TBC1D22A: variants seen among roughly 807,000 people sequenced by gnomAD.
TBC1D22A encodes the protein putative GTPase activator.
In TBC1D22A, 38 loss-of-function variants were observed where a neutral mutation model predicts 60.2. The ratio of observed to expected loss-of-function variants is 0.63; its 90% CI spans 0.49 to 0.83. The LOEUF is 0.83. Among genes scored for constraint, TBC1D22A ranks in the 40% least tolerant of loss-of-function variants. TBC1D22A has a pLI of 0.00. For synonymous variants in TBC1D22A, 302 were observed against 281.7 expected (o/e 1.07, Z -0.72); for missense variants, 628 against 701.0 (o/e 0.90, Z 1.18).
chr22:46,942,044 A>G (rs1214587853), intron 8 of TBC1D22A, among the ~76,000 whole-genome samples: 2 of 147,824 alleles, frequency 1.4e-5, no homozygotes, highest in Admixed American at 6.8e-5. Flanking sequence ...ATATATACAC[A>G]CAGTCCACCC....
intron 12 of TBC1D22A, among the ~76,000 whole-genome samples, chr22:47,154,180 A>G (rs4823601): frequency 0.53 from 80,222 of 151,970 alleles, 22,325 homozygotes; most frequent in East Asian, 0.77. Context: ...AGGAACAGAC[A>G]TGTCCCCGGA....
chr22:46,906,339 G>A (rs906604589), intron 7 of TBC1D22A, among the ~76,000 whole-genome samples: 10 of 152,330 alleles, frequency 6.6e-5, no homozygotes, highest in African/African-American at 2.4e-4. Flanking sequence ...TAAATGTTGG[G>A]GAGGGGCTGC....
intron 11 of TBC1D22A, among the ~76,000 whole-genome samples, chr22:47,072,875 G>A (rs2064060050): frequency 6.6e-6 from 1 of 152,230 alleles, no homozygotes; most frequent in Non-Finnish European, 1.5e-5. Context: ...TGCTGGGAGG[G>A]CCCGCATGGA....
chr22:46,945,175 A>C (rs1185103833), intron 8 of TBC1D22A, among the ~76,000 whole-genome samples: 1 of 152,172 alleles, frequency 6.6e-6, no homozygotes, highest in African/African-American at 2.4e-5. Flanking sequence ...CTTTTGAAAA[A>C]CTACTGGTGG....
chr22:46,921,825 T>C (rs569326630), intron 8 of TBC1D22A, among the ~76,000 whole-genome samples: 9 of 152,262 alleles, frequency 5.9e-5, no homozygotes, highest in African/African-American at 2.2e-4. Flanking sequence ...TTTGCAAATA[T>C]TTTCTCCTGT....
Position 46,913,338 on chromosome 22 carries a change from T to C in TBC1D22A, c.1015+1150T>C, listed in dbSNP as rs761454013. On this transcript the variant is annotated intron_variant, in intron 8 of 12. Transcript: ENST00000337137. ...GTTATTACATGGTGTTTTTAGCCTT[T>C]CCAGGTTGTGGTCGGCCTCAGATTC... The C allele has an allele frequency of 3.7e-6, 5 of 1,366,416 alleles. No individual in the cohort carries two copies. The South Asian group carries it at 5.7e-5, about 16-fold the overall frequency. 84.6% of individuals were successfully genotyped at this position (1,366,416 alleles called of 1,614,324 possible).
At chr22:47,103,190 G>T (rs1034537418) in intron 11 of TBC1D22A, among the ~76,000 whole-genome samples, 1 of 152,110 alleles carries the variant, frequency 6.6e-6, no homozygotes, top group Admixed American at 6.5e-5. Flanking sequence ...AATTTCGTTC[G>T]GTTTCCATTC....
At chr22:46,819,621 C>A (rs926929852) in intron 4 of TBC1D22A, among the ~76,000 whole-genome samples, 1 of 152,210 alleles carries the variant, frequency 6.6e-6, no homozygotes, top group Non-Finnish European at 1.5e-5. Flanking sequence ...TTTTGATGTG[C>A]TGCTGGATTT....
chr22:47,086,327 C>G (rs1161119562), intron 11 of TBC1D22A, among the ~76,000 whole-genome samples: 1 of 152,106 alleles, frequency 6.6e-6, no homozygotes, highest in East Asian at 1.9e-4. Context: ...TGGTGGCAGG[C>G]GCCTGTAATC....
intron 7 of TBC1D22A, among the ~76,000 whole-genome samples, chr22:46,903,829 G>T (rs4823583): frequency 6.6e-6 from 1 of 151,932 alleles, no homozygotes; most frequent in Non-Finnish European, 1.5e-5. Context: ...TGGAGGCACT[G>T]GGTAGTGGTT....
chr22:46,995,667 T>G (rs761672118), intron 9 of TBC1D22A, among the ~76,000 whole-genome samples: 1 of 152,132 alleles, frequency 6.6e-6, no homozygotes, highest in African/African-American at 2.4e-5. Context: ...GTTCTGGAGC[T>G]GGGGGTTCTG....
chr22:46,804,859 G>A (rs942170825), intron 4 of TBC1D22A, among the ~76,000 whole-genome samples: 10 of 152,120 alleles, frequency 6.6e-5, no homozygotes, highest in African/African-American at 2.4e-4. Flanking sequence ...TTTTAAAGGA[G>A]CCGCCTTAAA....
intron 11 of TBC1D22A, among the ~76,000 whole-genome samples, chr22:47,061,949 G>C (rs113238727): frequency 1.3e-5 from 2 of 152,120 alleles, no homozygotes; most frequent in African/African-American, 2.4e-5. Flanking sequence ...TTAGCCAGGC[G>C]TGGTGGTGCA....
intron 12 of TBC1D22A, among the ~76,000 whole-genome samples, chr22:47,138,428 G>A (rs914588620): frequency 3.9e-5 from 6 of 151,982 alleles, no homozygotes; most frequent in African/African-American, 7.3e-5. Flanking sequence ...AGGGAGGGCC[G>A]TGGACAGTGA....
At chr22:46,769,343 G>A (rs1423011215) in intron 1 of TBC1D22A, among the ~76,000 whole-genome samples, 1 of 152,194 alleles carries the variant, frequency 6.6e-6, no homozygotes, top group East Asian at 1.9e-4. Flanking sequence ...GAATTCATTT[G>A]GAAAACGTTT....
In TBC1D22A at chr22:46,762,738, G is replaced by A. The variant is rs1318529851; in HGVS notation, c.-49G>A. 1 of 1,394,978 alleles carries A rather than the reference G, an allele frequency of 7.2e-7. No individual in the cohort carries two copies. Among genetic ancestry groups the A allele is most frequent in the South Asian group, 1.7e-5 (1 of 59,678 alleles). The allele number at this position is 1,394,978 out of a possible 1,614,324, so 86.4% of individuals were successfully genotyped here. ...GGAAAGGGCCGCTAGGGGAGGGCCG[G>A]GTGCACTCGGGGTGTCTGGGCCGCG... On this transcript the variant is annotated 5_prime_UTR_variant, in exon 1 of 13. Transcript: ENST00000337137.
intron 11 of TBC1D22A, among the ~76,000 whole-genome samples, chr22:47,088,982 C>A (rs1168855564): frequency 6.6e-6 from 1 of 152,172 alleles, no homozygotes; most frequent in Non-Finnish European, 1.5e-5. Flanking sequence ...GGATGGAACT[C>A]AGCAGGGGAA....
At chr22:47,129,844 T>G (rs947028471) in intron 12 of TBC1D22A, among the ~76,000 whole-genome samples, 8 of 152,262 alleles carry the variant, frequency 5.3e-5, no homozygotes, top group Non-Finnish European at 1.0e-4. Flanking sequence ...GCTCAGCCTT[T>G]CAGGTTGCTG....
At chr22:46,913,068 A>G (rs963572982) in intron 8 of TBC1D22A, among the ~76,000 whole-genome samples, 2 of 152,170 alleles carry the variant, frequency 1.3e-5, no homozygotes, top group Non-Finnish European at 2.9e-5. Context: ...CTGTGTTTTT[A>G]TGCTGTTTCT....
Sources: gnomAD v4.1 joint callset for allele counts (sites outside exome capture counted in the v4.1 genomes callset) on GRCh38, gnomAD v4.1.1 for gene constraint, MANE v1.5 for transcripts, NCBI Gene and HGNC (gene_info 2026-07-23, HGNC 2026-07-21) for gene names.